Variants in SEMA3C observed in about 807,000 individuals in gnomAD.
SEMA3C encodes semaphorin 3C.
SEMA3C carries 47 observed loss-of-function variants against 89.4 expected under a neutral mutation model. That is an observed-to-expected ratio of 0.53 (90% confidence interval 0.42 to 0.67). SEMA3C has a LOEUF of 0.67. Ranked by LOEUF, SEMA3C falls within the 30% of genes least tolerant of loss-of-function variation. The pLI is 0.00. For synonymous variants in SEMA3C, 310 were observed against 320.2 expected (o/e 0.97, Z 0.34); for missense variants, 839 against 929.1 (o/e 0.90, Z 1.26).
chr7:80,795,281 G>A (rs1203954007), intron 11 of SEMA3C, among the ~76,000 whole-genome samples: 1 of 152,172 alleles, frequency 6.6e-6, no homozygotes, highest in Non-Finnish European at 1.5e-5. Context: ...GTTGAAGGGT[G>A]GAGGGACAGA....
chr7:80,825,013 G>A (rs545257850), intron 4 of SEMA3C, among the ~76,000 whole-genome samples: 3 of 152,162 alleles, frequency 2.0e-5, no homozygotes, highest in Admixed American at 1.3e-4. Flanking sequence ...ACTAATTTGT[G>A]CAAATTGAAA....
intron 3 of SEMA3C, among the ~76,000 whole-genome samples, 160 bp downstream of exon 3, chr7:80,828,425 C>T (rs796897922): frequency 6.6e-6 from 1 of 152,080 alleles, no homozygotes; most frequent in Non-Finnish European, 1.5e-5. Context: ...GAACTTAATA[C>T]CTTTTCAGTC....
chr7:80,822,910 T>C (rs571196639), intron 4 of SEMA3C, among the ~76,000 whole-genome samples: 3 of 152,322 alleles, frequency 2.0e-5, no homozygotes, highest in Non-Finnish European at 4.4e-5. Context: ...GTGCAGGTCC[T>C]GACCACAGTA....
chr7:80,889,481 T>C (rs541428545), intron 2 of SEMA3C, among the ~76,000 whole-genome samples: 30 of 152,280 alleles, frequency 2.0e-4, no homozygotes, highest in African/African-American at 5.3e-4. Context: ...TTACAACACA[T>C]TCCTGTGAAA....
intron 2 of SEMA3C, among the ~76,000 whole-genome samples, chr7:80,862,421 A>G (rs553582171): frequency 1.3e-5 from 2 of 152,278 alleles, no homozygotes; most frequent in East Asian, 3.9e-4. Context: ...ACTACAAATC[A>G]CTGCTCAAAG....
intron 2 of SEMA3C, among the ~76,000 whole-genome samples, chr7:80,866,001 T>C (rs1790918544): frequency 6.6e-6 from 1 of 152,200 alleles, no homozygotes; most frequent in Non-Finnish European, 1.5e-5. Flanking sequence ...GTCTATCACT[T>C]GTAGTGCCTA....
intron 12 of SEMA3C, among the ~76,000 whole-genome samples, chr7:80,781,500 T>C (rs1446897473): frequency 6.6e-6 from 1 of 152,204 alleles, no homozygotes. Context: ...ATTTGAACTT[T>C]CCCAAGTTCA....
intron 6 of SEMA3C, 112 bp from the exon 7 acceptor site, chr7:80,805,870 G>T (rs1028475733): frequency 3.3e-6 from 2 of 599,688 alleles, no homozygotes; most frequent in Non-Finnish European, 5.3e-6. Flanking sequence ...ATGATAATTG[G>T]TTATAACAAA....
intron 12 of SEMA3C, among the ~76,000 whole-genome samples, chr7:80,766,394 C>A (rs371193219): frequency 6.6e-6 from 1 of 151,138 alleles, no homozygotes; most frequent in East Asian, 2.0e-4. Context: ...AACATAAAGC[C>A]GATTCAAACT....
chr7:80,903,832 T>C (rs1416904104), intron 2 of SEMA3C, among the ~76,000 whole-genome samples: 2 of 152,136 alleles, frequency 1.3e-5, no homozygotes, highest in African/African-American at 2.4e-5. Context: ...AGCCAGAACC[T>C]GTTCCCACTT....
In SEMA3C at chr7:80,802,776, CA is replaced by C. The variant is rs1232780902; in HGVS notation, c.804del (p.Asn268LysfsTer17). The C allele has an allele frequency of 3.7e-6, 6 of 1,606,108 alleles. No homozygotes were observed. The highest frequency in any genetic ancestry group is 5.1e-6 in the Non-Finnish European group (6 of 1,173,698). On this transcript the variant is annotated frameshift_variant and splice_region_variant, in exon 9 of 18. Transcript: ENST00000265361. LOFTEE classifies it high-confidence loss of function. Reference sequence around the variant, plus strand: ...ACAAGGCTACGCAGTCCACCAGTGTCATTCTAAAACCATTTTGTAAACATAA... The same window carrying C: ...ACAAGGCTACGCAGTCCACCAGTGTCTTCTAAAACCATTTTGTAAACATAA... ...IHSMIARICP[N>X]DTGGLRSLVN...
intron 7 of SEMA3C, among the ~76,000 whole-genome samples, chr7:80,804,509 T>C (rs1164956615): frequency 6.6e-6 from 1 of 152,148 alleles, no homozygotes. Flanking sequence ...TTTCTACCAG[T>C]TATTTCCTAA....
chr7:80,874,447 GTTATTTATTTATTTATTTAT>G (rs56316322), intron 2 of SEMA3C, among the ~76,000 whole-genome samples: 1 of 146,518 alleles, frequency 6.8e-6, no homozygotes, highest in Non-Finnish European at 1.5e-5. Flanking sequence ...ACCATAGCAA[GTTATTTATTTATTTATTTAT>G]TTATTTATTT....
intron 2 of SEMA3C, among the ~76,000 whole-genome samples, chr7:80,851,702 T>G (rs1790517390): frequency 6.6e-6 from 1 of 151,866 alleles, no homozygotes; most frequent in Admixed American, 6.6e-5. Context: ...AAAAACTGCC[T>G]TTTATGGATA....
chr7:80,890,186 A>G (rs2116144600), intron 2 of SEMA3C, among the ~76,000 whole-genome samples: 1 of 152,102 alleles, frequency 6.6e-6, no homozygotes, highest in East Asian at 1.9e-4. Flanking sequence ...TCATTTTTTG[A>G]TAAAATATTA....
upstream of SEMA3C, among the ~76,000 whole-genome samples, chr7:80,919,954 C>T (rs1485859906): frequency 3.3e-5 from 5 of 152,122 alleles, no homozygotes; most frequent in Non-Finnish European, 7.4e-5. Flanking sequence ...ATTGAGTTTC[C>T]TTAATGCCCT....
intron 5 of SEMA3C, chr7:80,816,214 C>T (rs1459394658): frequency 6.6e-6 from 1 of 152,140 alleles, no homozygotes; most frequent in Non-Finnish European, 1.5e-5. Context: ...GTAGGCTCAT[C>T]AAATATTCCC....
chr7:80,911,067 C>T (rs1334901729), intron 2 of SEMA3C, among the ~76,000 whole-genome samples: 1 of 151,718 alleles, frequency 6.6e-6, no homozygotes, highest in East Asian at 1.9e-4. Context: ...CTCATCTTCA[C>T]CTTGATGAAT....
chr7:80,815,423 G>A (rs1352676228), intron 5 of SEMA3C, among the ~76,000 whole-genome samples: 1 of 151,682 alleles, frequency 6.6e-6, no homozygotes, highest in Non-Finnish European at 1.5e-5. Flanking sequence ...CACAAAAGCT[G>A]GAAATTCAGC....
Sources: allele counts gnomAD v4.1 joint callset (sites outside exome capture counted in the v4.1 genomes callset), GRCh38; gene constraint gnomAD v4.1.1; transcripts MANE v1.5; gene names NCBI Gene and HGNC (gene_info 2026-07-23, HGNC 2026-07-21).